GPR141: variants seen among roughly 807,000 people sequenced by gnomAD.
GPR141 encodes G protein-coupled receptor 141, also known as probable G protein-coupled receptor 141.
Under a neutral mutation model 6.8 loss-of-function variants are expected in GPR141, and 6 were observed. The ratio of observed to expected loss-of-function variants is 0.88; its 90% CI spans 0.48 to 1.74. The LOEUF (loss-of-function observed/expected upper bound fraction) is 1.74, where lower values mean the gene tolerates loss of function less well. GPR141 is among the 40% of genes most tolerant of loss of function. The probability of loss-of-function intolerance (pLI) is 0.01; values close to 1 mark genes in which losing one functional copy is unlikely to be tolerated. For synonymous variants in GPR141, 140 were observed against 142.3 expected (o/e 0.98, Z 0.11); for missense variants, 372 against 372.9 (o/e 1.00, Z 0.02).
intron 2 of GPR141, among the ~76,000 whole-genome samples, chr7:37,731,001 G>A (rs1811903618): frequency 1.3e-5 from 2 of 152,100 alleles, no homozygotes; most frequent in Admixed American, 6.5e-5. Flanking sequence ...AATATTTAAC[G>A]GTCTAAGTTC....
intron 2 of GPR141, among the ~76,000 whole-genome samples, chr7:37,708,310 C>CAAAAAAAAAAA (rs66783277): frequency 5.0e-5 from 3 of 59,800 alleles, no homozygotes; most frequent in Non-Finnish European, 8.4e-5. Context: ...AAATTGCTGG[C>CAAAAAAAAAAA]AAAAAAAAAA....
chr7:37,706,965 T>C (rs1001734330), intron 2 of GPR141, among the ~76,000 whole-genome samples: 1 of 152,040 alleles, frequency 6.6e-6, no homozygotes, highest in African/African-American at 2.4e-5. Context: ...ACCCAGCTGG[T>C]ACGTTTTCTT....
chr7:37,722,426 T>TAAA (rs11323927), intron 2 of GPR141, among the ~76,000 whole-genome samples: 2 of 144,262 alleles, frequency 1.4e-5, no homozygotes, highest in East Asian at 4.0e-4. Context: ...TTCCCTCTCT[T>TAAA]AAAAAAAAAA....
At position 37,708,162 on chromosome 7, in the gene GPR141, A is replaced by C. The variant is rs576696521; in HGVS notation, c.-15+22579A>C. Reference sequence around the variant, plus strand: ...ACAGATGTAATGATAAAATTTTATAAGTGGCCATACTGAAGCATGATGAGG... The same window carrying C: ...ACAGATGTAATGATAAAATTTTATACGTGGCCATACTGAAGCATGATGAGG... On this transcript the variant is annotated intron_variant, in intron 2 of 2. Coordinates refer to ENST00000334425, the MANE Select transcript of GPR141 (RefSeq NM_001381946.1). Among the ~76,000 whole-genome samples, 31 of 152,188 alleles carry C rather than the reference A, an allele frequency of 2.0e-4. No individual in the cohort carries two copies. The South Asian group carries it at 6.0e-3, about 30-fold the overall frequency.
intron 2 of GPR141, 40 bp from the exon 3 acceptor site, chr7:37,740,340 T>A: frequency 7.6e-7 from 1 of 1,313,524 alleles, no homozygotes; most frequent in Non-Finnish European, 1.1e-6. Flanking sequence ...AACAAAGCTC[T>A]GAAAGCTTGT....
intron 2 of GPR141, among the ~76,000 whole-genome samples, chr7:37,691,806 T>G (rs1562765265): frequency 6.6e-6 from 1 of 151,802 alleles, no homozygotes; most frequent in African/African-American, 2.4e-5. Flanking sequence ...TGAGTGGAGT[T>G]TTTTCCCCCC....
Position 37,740,853 on chromosome 7 carries a change from C to A in GPR141, c.460C>A (p.Arg154=). ...IVIVVPLVVS[R]YGIHEEYNEE... ...CATTGTGGTACCCCTGGTTGTCTCC[C>A]GGTATGGAATCCATGAGGAATACAA... is the stretch of plus-strand genomic sequence containing the variant. The change falls in exon 3 of 3, where the codon CGG becomes AGG. Residue 154 remains arginine (R), a synonymous_variant. Transcript: ENST00000334425. 6.2e-7 allele frequency: 1 copy of A among 1,614,018 alleles called. No homozygotes were observed. The highest frequency in any genetic ancestry group is 8.5e-7 in the Non-Finnish European group (1 of 1,179,912).
intron 2 of GPR141, among the ~76,000 whole-genome samples, chr7:37,711,023 G>T (rs1331746169): frequency 2.0e-5 from 3 of 152,226 alleles, no homozygotes; most frequent in African/African-American, 7.2e-5. Flanking sequence ...AATAAAGCAA[G>T]TGGAGAGACT....
At chr7:37,731,421 A>T (rs1448024672) in intron 2 of GPR141, among the ~76,000 whole-genome samples, 1 of 152,208 alleles carries the variant, frequency 6.6e-6, no homozygotes, top group East Asian at 1.9e-4. Flanking sequence ...TTTTAGGTCA[A>T]CTAATTAAAA....
chr7:37,699,489 AG>A (rs1452749438), intron 2 of GPR141, among the ~76,000 whole-genome samples: 1 of 152,224 alleles, frequency 6.6e-6, no homozygotes, highest in Non-Finnish European at 1.5e-5. Context: ...TGAACCCAAG[AG>A]GCGGAGCTTG....
At chr7:37,697,031 C>T (rs1810049896) in intron 2 of GPR141, among the ~76,000 whole-genome samples, 1 of 152,066 alleles carries the variant, frequency 6.6e-6, no homozygotes, top group African/African-American at 2.4e-5. Flanking sequence ...TTTTATAACC[C>T]ATGCATTCCA....
intron 2 of GPR141, among the ~76,000 whole-genome samples, chr7:37,694,826 T>G (rs1809943318): frequency 6.6e-6 from 1 of 152,194 alleles, no homozygotes; most frequent in Non-Finnish European, 1.5e-5. Context: ...TAGCACCTCC[T>G]GTTTGGCCTG....
At chr7:37,709,015 A>G (rs1810669092) in intron 2 of GPR141, among the ~76,000 whole-genome samples, 1 of 152,192 alleles carries the variant, frequency 6.6e-6, no homozygotes, top group Non-Finnish European at 1.5e-5. Flanking sequence ...ATATATATCC[A>G]CAAGCTATAG....
chr7:37,742,402 C>G lies in GPR141; in HGVS notation c.*1091C>G, dbSNP rs1384064468. Among the ~76,000 whole-genome samples, 5 of 152,108 alleles carry G rather than the reference C, an allele frequency of 3.3e-5. No homozygotes were observed. The East Asian group carries it at 5.8e-4, about 18-fold the overall frequency. ...TAATGCTCTCCCTCCCCTAGCCCCCCACCCCTGGACAGGCCCCATTGTGTG... is the reference window on the plus strand; with the variant it reads ...TAATGCTCTCCCTCCCCTAGCCCCCGACCCCTGGACAGGCCCCATTGTGTG... On this transcript the variant is annotated 3_prime_UTR_variant, in exon 3 of 3. Coordinates refer to ENST00000334425, the MANE Select transcript of GPR141 (RefSeq NM_001381946.1).
At chr7:37,726,115 A>T (rs1901067) in intron 2 of GPR141, among the ~76,000 whole-genome samples, 67,395 of 152,018 alleles carry the variant, frequency 0.44, 16,463 homozygotes, top group African/African-American at 0.64. Context: ...TTTGGTATGA[A>T]CATGAGCATT....
Position 37,740,878 on chromosome 7 carries a change from A to C in GPR141, c.485A>C (p.Asn162Thr). The stretch of plus-strand genomic sequence containing the variant: ...CGGTATGGAATCCATGAGGAATACA[A>C]TGAGGAGCACTGTTTTAAATTTCAC... ...VSRYGIHEEYNEEHCFKFHKE... is the reference protein window; with the variant it reads ...VSRYGIHEEYTEEHCFKFHKE... The change falls in exon 3 of 3, where the codon AAT becomes ACT. Residue 162 changes from asparagine to threonine, a missense_variant. Asn to Thr is a moderately conservative substitution (Grantham distance 65). Coordinates refer to ENST00000334425, the MANE Select transcript of GPR141 (RefSeq NM_001381946.1). The C allele has an allele frequency of 6.2e-7, 1 of 1,614,110 alleles. No homozygotes were observed. Among genetic ancestry groups the C allele is most frequent in the Non-Finnish European group, 8.5e-7 (1 of 1,179,936 alleles).
intron 2 of GPR141, among the ~76,000 whole-genome samples, chr7:37,731,675 A>G (rs1811945421): frequency 1.3e-5 from 2 of 152,172 alleles, no homozygotes; most frequent in Admixed American, 1.3e-4. Context: ...GATGGTCTCA[A>G]TCTCCTGACC....
chr7:37,708,331 A>AC (rs1248116817), intron 2 of GPR141, among the ~76,000 whole-genome samples: 2 of 151,044 alleles, frequency 1.3e-5, no homozygotes, highest in African/African-American at 2.4e-5. Flanking sequence ...AAAAAAAAAA[A>AC]AAAACGCAAA....
intron 2 of GPR141, chr7:37,713,213 G>C (rs1353713004): frequency 6.6e-6 from 1 of 152,166 alleles, no homozygotes; most frequent in African/African-American, 2.4e-5. Context: ...GAAGAATTGG[G>C]CAAATAGTGT....
Sources: allele counts gnomAD v4.1 joint callset (sites outside exome capture counted in the v4.1 genomes callset), GRCh38; gene constraint gnomAD v4.1.1; transcripts MANE v1.5; gene names NCBI Gene and HGNC (gene_info 2026-07-23, HGNC 2026-07-21).